Variants in ANO2 observed in about 807,000 individuals in gnomAD.
ANO2 encodes anoctamin-2.
In ANO2, 101 loss-of-function variants were observed where a neutral mutation model predicts 124.2. That is an observed-to-expected ratio of 0.81 (90% CI 0.69 to 0.96). The LOEUF (loss-of-function observed/expected upper bound fraction) is 0.96, where lower values mean the gene tolerates loss of function less well. Ranked by LOEUF, ANO2 falls within the 40% of genes least tolerant of loss-of-function variation. ANO2 has a pLI of 0.00. For synonymous variants in ANO2, 486 were observed against 482.5 expected (o/e 1.01, Z -0.09); for missense variants, 1,293 against 1,274.5 (o/e 1.01, Z -0.22).
At chr12:5,595,848 G>A (rs1943633761) in intron 20 of ANO2, among the ~76,000 whole-genome samples, 1 of 152,174 alleles carries the variant, frequency 6.6e-6, no homozygotes, top group South Asian at 2.1e-4. Context: ...GAGTGGCGTA[G>A]GGGGCTGGGA....
At chr12:5,907,546 T>G (rs1940779656) in intron 3 of ANO2, among the ~76,000 whole-genome samples, 1 of 152,146 alleles carries the variant, frequency 6.6e-6, no homozygotes, top group Non-Finnish European at 1.5e-5. Flanking sequence ...CCCTGCACCT[T>G]CTCCCTTTGG....
chr12:5,842,289 T>C (rs950124008), intron 4 of ANO2, among the ~76,000 whole-genome samples: 3 of 152,196 alleles, frequency 2.0e-5, no homozygotes, highest in Non-Finnish European at 2.9e-5. Flanking sequence ...GCAAAGTACC[T>C]GGTGTATGGT....
At position 5,636,927 on chromosome 12, in the gene ANO2, AAAAG is replaced by A. The variant is rs1204107337; in HGVS notation, c.1621-1584_1621-1581del. Among the ~76,000 whole-genome samples, 1 of 152,118 alleles carries A rather than the reference AAAAG, an allele frequency of 6.6e-6. No homozygotes were observed. The highest frequency in any genetic ancestry group is 1.5e-5 in the Non-Finnish European group (1 of 68,028). ...AATTGCCCTATGGGCCGTGTTGTGA[AAAAG>A]AAGCCCTTGGTAAGGAAGGGAGAAA... is the stretch of plus-strand genomic sequence containing the variant. On this transcript the variant is annotated intron_variant, in intron 15 of 24. Transcript: ENST00000682330. This position sits in a 1 kb window ranked among gnomAD's most constrained non-coding sequence, Gnocchi z 4.6.
intron 3 of ANO2, among the ~76,000 whole-genome samples, chr12:5,892,154 T>G (rs1027432499): frequency 2.6e-5 from 4 of 151,954 alleles, no homozygotes; most frequent in African/African-American, 9.7e-5. Flanking sequence ...ACTCACTGAA[T>G]GAACTCAATA....
chr12:5,739,289 T>C (rs1456325758), intron 13 of ANO2, 28 bp downstream of exon 13: 1 of 1,556,934 alleles, frequency 6.4e-7, no homozygotes, highest in Middle Eastern at 1.7e-4. Flanking sequence ...CCCACAGAAG[T>C]ATGTGAGAAA....
At chr12:5,911,102 C>G (rs1941021673) in intron 3 of ANO2, among the ~76,000 whole-genome samples, 1 of 152,288 alleles carries the variant, frequency 6.6e-6, no homozygotes, top group East Asian at 1.9e-4. Context: ...GTCACTCTCC[C>G]AGGACTCTTT....
chr12:5,853,393 C>CAT (rs1216136271), intron 4 of ANO2, among the ~76,000 whole-genome samples: 1 of 151,754 alleles, frequency 6.6e-6, no homozygotes, highest in African/African-American at 2.4e-5. Context: ...GGCTGTCAAC[C>CAT]CAGATGTGCA....
chr12:5,761,575 A>G (rs755946135), intron 10 of ANO2, among the ~76,000 whole-genome samples: 3 of 152,200 alleles, frequency 2.0e-5, no homozygotes, highest in Admixed American at 2.0e-4. Context: ...AATGAAAGCT[A>G]TAAGATTTAT....
rs141624138 is a variant in ANO2, at chr12:5,619,727, C to T, written c.1817-4430G>A. 2.1e-3 allele frequency among the ~76,000 whole-genome samples: 321 copies of T among 152,344 alleles called. 2 individuals are homozygous for T. Among genetic ancestry groups the T allele is most frequent in the African/African-American group, 7.3e-3 (305 of 41,596 alleles). On this transcript the variant is annotated intron_variant, in intron 16 of 24. Transcript: ENST00000682330. ...CAGATTCCTGAATTGCCATGTGGAA[C>T]GCTGTCCTCCAAACGTCTGGCTTAA...
At chr12:5,709,651 T>C (rs1949738437) in intron 14 of ANO2, among the ~76,000 whole-genome samples, 1 of 152,220 alleles carries the variant, frequency 6.6e-6, no homozygotes, top group Non-Finnish European at 1.5e-5. Context: ...CTCTTTAGGT[T>C]ACCATACCCA....
chr12:5,900,561 AAACAACAAC>A lies in ANO2; in HGVS notation c.534+20470_534+20478del, dbSNP rs530796683. 4.0e-5 allele frequency among the ~76,000 whole-genome samples: 6 copies of A among 151,680 alleles called. No homozygotes were observed. Among genetic ancestry groups the A allele is most frequent in the African/African-American group, 1.5e-4 (6 of 41,194 alleles). On this transcript the variant is annotated intron_variant, in intron 3 of 24. Coordinates refer to ENST00000682330, the MANE Select transcript of ANO2 (RefSeq NM_001364791.2). This position sits in a 1 kb window ranked among gnomAD's most constrained non-coding sequence, Gnocchi z 4.2. ...AGGGCTTACCATAAAATAAAATGGA[AAACAACAAC>A]AACAACAACAAAAAACTAAAGTGAA...
chr12:5,625,524 G>A (rs1565489899), intron 16 of ANO2, among the ~76,000 whole-genome samples: 1 of 152,064 alleles, frequency 6.6e-6, no homozygotes, highest in African/African-American at 2.4e-5. Context: ...CAGGTTTGGA[G>A]GAAAAATTAA....
Position 5,565,549 on chromosome 12 carries a change from G to GATTATGA in ANO2, c.2727+8_2727+9insTCATAAT. 6.3e-7 allele frequency: 1 copy of GATTATGA among 1,584,378 alleles called. No individual in the cohort carries two copies. Among genetic ancestry groups the GATTATGA allele is most frequent in the Non-Finnish European group, 8.6e-7 (1 of 1,163,392 alleles). ...TTCGAATGGGCTATTCCCTATCCCAGCAACTCACCTGGAAGATTATGACAA... is the reference window on the plus strand; with the variant it reads ...TTCGAATGGGCTATTCCCTATCCCAGATTATGACAACTCACCTGGAAGATTATGACAA... On this transcript the variant is annotated intron_variant, in intron 24 of 24. Coordinates refer to ENST00000682330, the MANE Select transcript of ANO2 (RefSeq NM_001364791.2).
chr12:5,810,722 G>A (rs1345002850), intron 7 of ANO2, among the ~76,000 whole-genome samples: 2 of 152,176 alleles, frequency 1.3e-5, no homozygotes, highest in Non-Finnish European at 2.9e-5. Context: ...CGAAGTCAAC[G>A]TGCCCATGTC....
chr12:5,850,309 G>A (rs1954837768), intron 4 of ANO2, among the ~76,000 whole-genome samples: 1 of 151,718 alleles, frequency 6.6e-6, no homozygotes, highest in Non-Finnish European at 1.5e-5. Flanking sequence ...CCAGCTACTT[G>A]GGAGGCTGAG....
chr12:5,707,084 C>T (rs114930599), intron 14 of ANO2, among the ~76,000 whole-genome samples: 4 of 152,230 alleles, frequency 2.6e-5, no homozygotes, highest in South Asian at 4.1e-4. Context: ...CCCCACATGT[C>T]GAGGGAGGGA....
chr12:5,901,361 C>T (rs1273007666), intron 3 of ANO2, among the ~76,000 whole-genome samples: 1 of 152,116 alleles, frequency 6.6e-6, no homozygotes, highest in Non-Finnish European at 1.5e-5. Flanking sequence ...CCAACAAGAA[C>T]AAGGAAGGAA....
chr12:5,707,112 G>A (rs150613263), intron 14 of ANO2, among the ~76,000 whole-genome samples: 47 of 152,312 alleles, frequency 3.1e-4, no homozygotes, highest in African/African-American at 1.0e-3. Flanking sequence ...GAAGGTGACT[G>A]AATCATGGGG....
intron 10 of ANO2, among the ~76,000 whole-genome samples, chr12:5,785,776 C>T (rs1952523001): frequency 6.6e-6 from 1 of 152,186 alleles, no homozygotes; most frequent in Non-Finnish European, 1.5e-5. Context: ...GCTGGTCCCC[C>T]GGGCCTTCCC....
Sources: gnomAD v4.1 joint callset for allele counts (sites outside exome capture counted in the v4.1 genomes callset) on GRCh38, gnomAD v4.1.1 for gene constraint, Gnocchi (gnomAD v3.1) non-coding constraint, MANE v1.5 for transcripts, NCBI Gene and HGNC (gene_info 2026-07-23, HGNC 2026-07-21) for gene names.